The following USH2A variants were observed in gnomAD, a reference collection of about 807,000 sequenced individuals.
USH2A encodes the protein usherin.
USH2A carries 443 observed loss-of-function variants against 538.9 expected under a neutral mutation model. The observed-to-expected ratio is 0.82, with a 90% CI of 0.76 to 0.89. USH2A has a LOEUF of 0.89. Ranked by LOEUF, USH2A falls within the 40% of genes least tolerant of loss-of-function variation. USH2A has a pLI of 0.00. For missense variants in USH2A, 6,633 were observed against 6,324.8 expected, an observed-to-expected ratio of 1.05 and a Z score of -1.65; for synonymous variants, 2,413 against 2,273.5, an observed-to-expected ratio of 1.06 and a Z score of -1.75.
intron 5 of USH2A, 42 bp downstream of exon 5, chr1:216,327,549 A>G: frequency 6.2e-7 from 1 of 1,603,754 alleles, no homozygotes; most frequent in Non-Finnish European, 8.5e-7. Flanking sequence ...TTCAGCATTT[A>G]TCCTTTCGGT....
intron 39 of USH2A, among the ~76,000 whole-genome samples, 169 bp from the exon 40 acceptor site, chr1:215,900,386 T>C (rs2102469806): frequency 6.6e-6 from 1 of 152,274 alleles, no homozygotes; most frequent in African/African-American, 2.4e-5. Flanking sequence ...ATTGGCTGAG[T>C]CTGTAATCTT....
At position 215,674,138 on chromosome 1, in the gene USH2A, C is replaced by T. The variant is rs745384749; in HGVS notation, c.13773G>A (p.Met4591Ile). Residue 4591 changes from methionine (M) to isoleucine (I), a missense_variant, in exon 63 of 72, where the codon ATG becomes ATA. By Grantham distance (10) the Met-to-Ile change is conservative (BLOSUM62 1). Coordinates refer to ENST00000307340, the MANE Select transcript of USH2A (RefSeq NM_206933.4). ...HINTTHNSFG[M>I]QSYIVNQLKP... is the part of the protein sequence containing the mutation. Reference sequence around the variant, plus strand: ...TCAGCTGGTTTACTATATATGACTGCATACCAAAAGAATTATGAGTTGTGT... The same window carrying T: ...TCAGCTGGTTTACTATATATGACTGTATACCAAAAGAATTATGAGTTGTGT... The T allele has an allele frequency of 1.2e-6, 2 of 1,614,142 alleles. No individual in the cohort carries two copies. The highest frequency in any genetic ancestry group is 2.2e-5 in the South Asian group (2 of 91,082).
chr1:215,775,533 T>TA (rs1365804322), intron 55 of USH2A, among the ~76,000 whole-genome samples: 1 of 152,186 alleles, frequency 6.6e-6, no homozygotes, highest in Non-Finnish European at 1.5e-5. Context: ...TCTCTGTACT[T>TA]AAAAAGCATT....
chr1:215,714,053 C>A (rs1008220768), intron 61 of USH2A, among the ~76,000 whole-genome samples: 5 of 151,942 alleles, frequency 3.3e-5, no homozygotes, highest in Non-Finnish European at 7.4e-5. Flanking sequence ...TGTAAAGTGC[C>A]CATAATATGT....
rs1387203098 is a variant in USH2A, at chr1:216,070,239, T to C, written c.5911A>G (p.Ile1971Val). 1 of 1,614,002 alleles carries C rather than the reference T, an allele frequency of 6.2e-7. No individual in the cohort carries two copies. The highest frequency in any genetic ancestry group is 1.1e-5 in the South Asian group (1 of 91,082). ...ACAGGTTCATCCCAGGTCACCTCAA[T>C]GCTGTATCCATTTAAGCTGCGGACT... is the stretch of plus-strand genomic sequence containing the variant. The part of the protein sequence containing the change: ...SRVRSLNGYS[I>V]EVTWDEPVVR... Residue 1971 changes from isoleucine (I) to valine (V), a missense_variant, in exon 30 of 72, where the codon ATT becomes GTT. By Grantham distance (29) the Ile-to-Val change is conservative. Transcript: ENST00000307340.
intron 38 of USH2A, among the ~76,000 whole-genome samples, chr1:215,905,588 G>A (rs983576249): frequency 6.6e-6 from 1 of 152,140 alleles, no homozygotes; most frequent in East Asian, 1.9e-4. Flanking sequence ...CGGGGGACTC[G>A]GAAGTTAGAA....
chr1:216,194,794 C>G (rs1394142001), intron 19 of USH2A, among the ~76,000 whole-genome samples: 1 of 152,110 alleles, frequency 6.6e-6, no homozygotes, highest in African/African-American at 2.4e-5. Flanking sequence ...GAATACTGTT[C>G]TGAGAAATTT....
At chr1:215,905,311 T>C (rs974981196) in intron 38 of USH2A, among the ~76,000 whole-genome samples, 1 of 152,046 alleles carries the variant, frequency 6.6e-6, no homozygotes, top group Non-Finnish European at 1.5e-5. Context: ...TTTTGTTTTT[T>C]GCCTGTGTGT....
At chr1:216,156,643 G>C (rs1388555423) in intron 21 of USH2A, among the ~76,000 whole-genome samples, 1 of 152,022 alleles carries the variant, frequency 6.6e-6, no homozygotes, top group Non-Finnish European at 1.5e-5. Flanking sequence ...TGTCACCACT[G>C]ATTTCACTTT....
rs887045219 is a variant in USH2A at position 215,657,210 on chromosome 1, T to C, written c.14134-6409A>G. Reference sequence around the variant, plus strand: ...ATGCCTCATAAATAAAAAGATACAATCAAGGAGATCATATCAATTCATCTA... The same window carrying C: ...ATGCCTCATAAATAAAAAGATACAACCAAGGAGATCATATCAATTCATCTA... On this transcript the variant is annotated intron_variant, in intron 64 of 71. Coordinates refer to ENST00000307340, the MANE Select transcript of USH2A (RefSeq NM_206933.4). 1.4e-4 allele frequency among the ~76,000 whole-genome samples: 22 copies of C among 152,182 alleles called. No homozygotes were observed. The East Asian group carries it at 3.7e-3, about 25-fold the overall frequency.
At chr1:215,766,842 A>C in intron 55 of USH2A, 54 bp from the exon 56 acceptor site, 1 of 1,484,350 alleles carries the variant, frequency 6.7e-7, no homozygotes, top group East Asian at 2.3e-5. Flanking sequence ...ATTTATTATC[A>C]ATTAAGTACC....
chr1:216,265,990 G>C (rs926151229), intron 11 of USH2A, among the ~76,000 whole-genome samples: 6 of 152,038 alleles, frequency 3.9e-5, no homozygotes, highest in African/African-American at 1.4e-4. Flanking sequence ...TTATAGTACT[G>C]TATGGTGACT....
intron 3 of USH2A, among the ~76,000 whole-genome samples, chr1:216,397,451 C>G: frequency 6.6e-6 from 1 of 152,116 alleles, no homozygotes; most frequent in East Asian, 1.9e-4. Flanking sequence ...GACATATAAG[C>G]CAGTGGACTG....
rs12119022 is a variant in USH2A, at chr1:216,045,377, A to C, written c.6325+1054T>G. ...AGTTTTTCAAGAATTTACTTCATTT[A>C]ATTTCAGTATCATCACACTTTATAA... On this transcript the variant is annotated intron_variant, in intron 32 of 71. Coordinates refer to ENST00000307340, the MANE Select transcript of USH2A (RefSeq NM_206933.4). Among the ~76,000 whole-genome samples, 3 of 151,988 alleles carry C rather than the reference A, an allele frequency of 2.0e-5. No homozygotes were observed. In the East Asian group the frequency reaches 5.8e-4, roughly 29 times the overall value.
At chr1:215,906,952 A>C (rs1305380922) in intron 38 of USH2A, among the ~76,000 whole-genome samples, 1 of 151,968 alleles carries the variant, frequency 6.6e-6, no homozygotes, top group African/African-American at 2.4e-5. Flanking sequence ...CCTCTCACCA[A>C]ATAAGGAATC....
At chr1:215,875,808 C>T (rs1281648202) in intron 43 of USH2A, among the ~76,000 whole-genome samples, 1 of 149,136 alleles carries the variant, frequency 6.7e-6, no homozygotes, top group Admixed American at 6.7e-5. Flanking sequence ...GAAGTGATTT[C>T]TTTAGGCAGA....
intron 55 of USH2A, among the ~76,000 whole-genome samples, chr1:215,770,991 G>A (rs1357264115): frequency 6.6e-6 from 1 of 150,826 alleles, no homozygotes; most frequent in African/African-American, 2.4e-5. Flanking sequence ...GCCAGGCGTG[G>A]TGGTGCATGC....
At chr1:215,954,791 T>C (rs1267426772) in intron 37 of USH2A, among the ~76,000 whole-genome samples, 2 of 152,118 alleles carry the variant, frequency 1.3e-5, no homozygotes, top group East Asian at 3.9e-4. Flanking sequence ...TATGCCAAAG[T>C]CCTTAAAACA....
chr1:215,719,848 C>T (rs893880638), intron 61 of USH2A, among the ~76,000 whole-genome samples: 3 of 152,082 alleles, frequency 2.0e-5, no homozygotes, highest in Non-Finnish European at 4.4e-5. Context: ...CTAATGTTGT[C>T]TTCAAGTGGA....
Sources: allele counts gnomAD v4.1 joint callset (sites outside exome capture counted in the v4.1 genomes callset), GRCh38; gene constraint gnomAD v4.1.1; transcripts MANE v1.5; gene names NCBI Gene and HGNC (gene_info 2026-07-23, HGNC 2026-07-21).